CSTA: variants seen among roughly 807,000 people sequenced by gnomAD.
CSTA encodes the protein cystatin A.
In CSTA, 9 loss-of-function variants were observed where a neutral mutation model predicts 9.2. The ratio of observed to expected loss-of-function variants is 0.97; its 90% CI spans 0.59 to 1.70. The LOEUF (loss-of-function observed/expected upper bound fraction) is 1.70. CSTA is among the 40% of genes most tolerant of loss of function. The probability of loss-of-function intolerance (pLI) is 0.00; values close to 1 mark genes in which losing one functional copy is unlikely to be tolerated. For synonymous variants in CSTA, 36 were observed against 40.6 expected (o/e 0.89, Z 0.43); for missense variants, 118 against 113.1 (o/e 1.04, Z -0.20).
intron 1 of CSTA, among the ~76,000 whole-genome samples, chr3:122,333,533 A>AAAG (rs1217620719): frequency 8.6e-6 from 1 of 115,940 alleles, no homozygotes; most frequent in Non-Finnish European, 1.9e-5. Flanking sequence ...GAAAGAAAGA[A>AAAG]AAGAAAGAAG....
chr3:122,334,756 A>C (rs917929632), intron 1 of CSTA, among the ~76,000 whole-genome samples: 2 of 152,200 alleles, frequency 1.3e-5, no homozygotes, highest in Non-Finnish European at 2.9e-5. Flanking sequence ...ATACCAATAA[A>C]ATTTTGGAAG....
intron 1 of CSTA, among the ~76,000 whole-genome samples, chr3:122,331,549 A>G (rs2075204958): frequency 1.3e-5 from 2 of 152,058 alleles, no homozygotes; most frequent in South Asian, 2.1e-4. Flanking sequence ...TCTAATTCTC[A>G]ATTAAAGGTC....
At chr3:122,334,427 T>C (rs570405906) in intron 1 of CSTA, among the ~76,000 whole-genome samples, 1 of 152,114 alleles carries the variant, frequency 6.6e-6, no homozygotes, top group East Asian at 1.9e-4. Context: ...CAGTGAACTA[T>C]GATCACGCCA....
chr3:122,331,964 C>T (rs569500818), intron 1 of CSTA, among the ~76,000 whole-genome samples: 1 of 152,322 alleles, frequency 6.6e-6, no homozygotes, highest in Admixed American at 6.5e-5. Context: ...TCATAAGGAG[C>T]ACGCAACCTT....
intron 1 of CSTA, among the ~76,000 whole-genome samples, chr3:122,327,184 G>T (rs2075175559): frequency 6.6e-6 from 1 of 151,658 alleles, no homozygotes; most frequent in African/African-American, 2.4e-5. Flanking sequence ...GGTGCAGTGA[G>T]CCAAGATAGT....
At chr3:122,334,583 C>A (rs1413806530) in intron 1 of CSTA, among the ~76,000 whole-genome samples, 1 of 152,124 alleles carries the variant, frequency 6.6e-6, no homozygotes, top group Admixed American at 6.5e-5. Context: ...TATGGACATG[C>A]AATGCTTTCA....
intron 2 of CSTA, 186 bp downstream of exon 2, chr3:122,337,834 T>A: frequency 3.2e-6 from 2 of 617,792 alleles, no homozygotes; most frequent in South Asian, 3.8e-5. Context: ...TTTTTTCTTG[T>A]GAATTCAGAA....
intron 1 of CSTA, among the ~76,000 whole-genome samples, chr3:122,333,664 A>G (rs376954486): frequency 2.0e-5 from 3 of 149,866 alleles, no homozygotes; most frequent in African/African-American, 5.0e-5. Flanking sequence ...AAGGAAGAAA[A>G]AAGGAAGAAA....
chr3:122,334,402 G>A (rs9289191), intron 1 of CSTA, among the ~76,000 whole-genome samples: 128,494 of 152,022 alleles, frequency 0.85, 56,603 homozygotes, highest in East Asian at 0.99. Flanking sequence ...GTTTGAGTCC[G>A]GGAATTCGAG....
At chr3:122,328,570 C>T (rs2075183732) in intron 1 of CSTA, among the ~76,000 whole-genome samples, 1 of 151,648 alleles carries the variant, frequency 6.6e-6, no homozygotes, top group Non-Finnish European at 1.5e-5. Flanking sequence ...ACTGCCTGCC[C>T]TCTCTACCAC....
At position 122,341,667 on chromosome 3, in the gene CSTA, G is replaced by A. The variant is rs1046831827; in HGVS notation, c.*100G>A. The A allele has an allele frequency of 3.5e-6, 5 of 1,415,636 alleles. No individual in the cohort carries two copies. Among genetic ancestry groups the A allele is most frequent in the Non-Finnish European group, 4.9e-6 (5 of 1,014,866 alleles). The allele number at this position is 1,415,636 out of a possible 1,614,324, so 87.7% of individuals were successfully genotyped here. A position where few individuals can be genotyped will look rare whatever the true frequency, so the allele number is the denominator to read the frequency against. On this transcript the variant is annotated 3_prime_UTR_variant, in exon 3 of 3. Coordinates refer to ENST00000264474, the MANE Select transcript of CSTA (RefSeq NM_005213.4). ...CAATAAAGAAGCATTCTTTTCCAAAGAAATTATTTCTTCAATTATTTCTCA... is the reference window on the plus strand; with the variant it reads ...CAATAAAGAAGCATTCTTTTCCAAAAAAATTATTTCTTCAATTATTTCTCA...
At chr3:122,334,603 T>A (rs543421626) in intron 1 of CSTA, among the ~76,000 whole-genome samples, 1 of 152,290 alleles carries the variant, frequency 6.6e-6, no homozygotes, top group South Asian at 2.1e-4. Context: ...ATGAAGGGCA[T>A]AAAAGCAAGT....
intron 1 of CSTA, among the ~76,000 whole-genome samples, chr3:122,329,627 G>A (rs1346142606): frequency 1.3e-5 from 2 of 152,144 alleles, no homozygotes; most frequent in African/African-American, 4.8e-5. Flanking sequence ...CATAGTAGGT[G>A]CATTTCTTGT....
chr3:122,336,639 A>G (rs1447641114), intron 1 of CSTA, among the ~76,000 whole-genome samples: 1 of 152,206 alleles, frequency 6.6e-6, no homozygotes, highest in Non-Finnish European at 1.5e-5. Flanking sequence ...AAATTCATGT[A>G]TGAAAGTATG....
chr3:122,328,233 G>T (rs965040864), intron 1 of CSTA, among the ~76,000 whole-genome samples: 1 of 152,208 alleles, frequency 6.6e-6, no homozygotes, highest in African/African-American at 2.4e-5. Context: ...GGGCATGGTG[G>T]CTCAAGCCTG....
intron 1 of CSTA, among the ~76,000 whole-genome samples, chr3:122,331,213 G>T (rs2075203098): frequency 6.6e-6 from 1 of 151,712 alleles, no homozygotes; most frequent in Admixed American, 6.6e-5. Flanking sequence ...ATTTTTGTCA[G>T]TCAGGACACC....
chr3:122,326,759 G>A (rs961900136), intron 1 of CSTA, among the ~76,000 whole-genome samples: 5 of 152,220 alleles, frequency 3.3e-5, no homozygotes, highest in Non-Finnish European at 5.9e-5. Context: ...ACTTGAATGT[G>A]CACATGAATC....
intron 1 of CSTA, among the ~76,000 whole-genome samples, chr3:122,336,461 C>A (rs1054233341): frequency 6.6e-6 from 1 of 152,116 alleles, no homozygotes; most frequent in Non-Finnish European, 1.5e-5. Context: ...ATCCATGAGT[C>A]ATATTAATAT....
rs569815483 is a variant in CSTA, at chr3:122,328,828, C to G, written c.66+3470C>G. 2.6e-5 allele frequency among the ~76,000 whole-genome samples: 4 copies of G among 150,962 alleles called. No homozygotes were observed. The South Asian group carries it at 8.5e-4, about 32-fold the overall frequency. On this transcript the variant is annotated intron_variant, in intron 1 of 2. Coordinates refer to ENST00000264474, the MANE Select transcript of CSTA (RefSeq NM_005213.4). ...TGGTGACGGGCGCCTGTAGTCCCAG[C>G]TACTCAGGAGGCTGAGGCAGGAGAA...
Sources: gnomAD v4.1 joint callset for allele counts (sites outside exome capture counted in the v4.1 genomes callset) on GRCh38, gnomAD v4.1.1 for gene constraint, MANE v1.5 for transcripts, NCBI Gene and HGNC (gene_info 2026-07-23, HGNC 2026-07-21) for gene names.